Variants in TCP11L2 observed in about 807,000 individuals in gnomAD.
TCP11L2 encodes T-complex protein 11-like protein 2.
In TCP11L2, 39 loss-of-function variants were observed where a neutral mutation model predicts 50.7. The observed-to-expected ratio is 0.77, with a 90% CI of 0.60 to 1.01. The LOEUF (loss-of-function observed/expected upper bound fraction) is 1.01, where lower values mean the gene tolerates loss of function less well. TCP11L2 is among the 50% of genes least tolerant of loss of function. The probability of loss-of-function intolerance (pLI) is 0.00; values close to 1 mark genes in which losing one functional copy is unlikely to be tolerated. For missense variants in TCP11L2, 612 were observed against 614.7 expected (o/e 1.00, Z 0.05); for synonymous variants, 192 against 219.3 (o/e 0.88, Z 1.10).
intron 1 of TCP11L2, among the ~76,000 whole-genome samples, chr12:106,306,001 T>C (rs1163069744): frequency 6.6e-6 from 1 of 152,200 alleles, no homozygotes. Flanking sequence ...TTAAAAAGGA[T>C]TATCTATTTT....
At chr12:106,334,063 T>TA (rs1472745164) in intron 6 of TCP11L2, among the ~76,000 whole-genome samples, 2 of 152,078 alleles carry the variant, frequency 1.3e-5, no homozygotes, top group African/African-American at 4.8e-5. Context: ...TGCTTGGAAG[T>TA]ATCAACATTT....
At chr12:106,302,242 G>C (rs1362005534), upstream of TCP11L2, among the ~76,000 whole-genome samples, 1 of 152,070 alleles carries the variant, frequency 6.6e-6, no homozygotes, top group African/African-American at 2.4e-5. Context: ...TGGAAGCCCA[G>C]GGGATCTGTC....
chr12:106,326,407 A>G (rs2035547828), intron 6 of TCP11L2, among the ~76,000 whole-genome samples: 1 of 152,152 alleles, frequency 6.6e-6, no homozygotes, highest in African/African-American at 2.4e-5. Context: ...TGTAGGGCAG[A>G]CTAGGATTCA....
At chr12:106,333,019 G>A (rs1213939572) in intron 6 of TCP11L2, among the ~76,000 whole-genome samples, 1 of 152,192 alleles carries the variant, frequency 6.6e-6, no homozygotes, top group Non-Finnish European at 1.5e-5. Flanking sequence ...AACGTGAGGA[G>A]ATATTTTATG....
Position 106,336,172 on chromosome 12 carries a change from A to G in TCP11L2, c.1101A>G (p.Leu367=). The change falls in exon 8 of 10, where the codon TTA becomes TTG. Residue 367 remains leucine, a synonymous_variant. Coordinates refer to ENST00000299045, the MANE Select transcript of TCP11L2 (RefSeq NM_152772.3). ...GCCTGCCTGAGCTTGCAAGCAGGTT[A>G]ACAAGGATTTCAGCTGTTCTACTTG... ...TGGLPELASR[L]TRISAVLLEG... 1 of 1,612,740 alleles carries G rather than the reference A, an allele frequency of 6.2e-7. No homozygotes were observed. Among genetic ancestry groups the G allele is most frequent in the Non-Finnish European group, 8.5e-7 (1 of 1,179,686 alleles).
intron 6 of TCP11L2, chr12:106,329,381 A>G (rs765453637): frequency 3.9e-6 from 6 of 1,535,986 alleles, no homozygotes; most frequent in Non-Finnish European, 5.2e-6. Context: ...TTTTGGAACC[A>G]GAGAGAGCAG....
At chr12:106,329,386 G>T in intron 6 of TCP11L2, 1 of 1,536,080 alleles carries the variant, frequency 6.5e-7, no homozygotes, top group Non-Finnish European at 8.7e-7. Context: ...GAACCAGAGA[G>T]AGCAGTCACC....
chr12:106,318,998 G>C (rs938214662), intron 4 of TCP11L2, among the ~76,000 whole-genome samples: 1 of 151,662 alleles, frequency 6.6e-6, no homozygotes, highest in Non-Finnish European at 1.5e-5. Flanking sequence ...TGCAAGCTCC[G>C]CTTCCCGGGT....
intron 8 of TCP11L2, among the ~76,000 whole-genome samples, chr12:106,337,494 G>A (rs1193212163): frequency 6.6e-6 from 1 of 152,164 alleles, no homozygotes; most frequent in African/African-American, 2.4e-5. Flanking sequence ...CTTATCTTAT[G>A]ATTTCCCTGC....
intron 3 of TCP11L2, 71 bp downstream of exon 3, chr12:106,314,564 TGTGTGTGTGTGTGAGAGA>T (rs2034999021): frequency 5.1e-6 from 5 of 977,594 alleles, no homozygotes; most frequent in African/African-American, 4.3e-5. Flanking sequence ...TGTGTGTGTG[TGTGTGTGTGTGTGAGAGA>T]GAGAGAGAGA....
intron 5 of TCP11L2, among the ~76,000 whole-genome samples, chr12:106,323,041 CA>C (rs2035398759): frequency 6.6e-6 from 1 of 152,194 alleles, no homozygotes; most frequent in Non-Finnish European, 1.5e-5. Flanking sequence ...AACTGAGGCT[CA>C]GAGAGACTGA....
At chr12:106,340,797 C>A in intron 8 of TCP11L2, 29 bp from the exon 9 acceptor site, 1 of 1,543,550 alleles carries the variant, frequency 6.5e-7, no homozygotes, top group Non-Finnish European at 8.7e-7. Context: ...AAAACTTTCC[C>A]TGGTGGAATT....
In TCP11L2 at chr12:106,310,983, T is replaced by C. The variant is rs143012090; in HGVS notation, c.-35-58T>C. 813 of 1,434,726 alleles carry C rather than the reference T, an allele frequency of 5.7e-4. 9 individuals are homozygous for C. In the African/African-American group the frequency reaches 9.7e-3, roughly 17 times the overall value. The allele number at this position is 1,434,726 out of a possible 1,614,324, so 88.9% of individuals were successfully genotyped here. ...CAGTTGTCTACACTGGAAGAAGCAT[T>C]GGTGGTGCCTGTGGAAGTACCACAG... On this transcript the variant is annotated intron_variant, in intron 1 of 9. Transcript: ENST00000299045.
intron 1 of TCP11L2, among the ~76,000 whole-genome samples, chr12:106,307,552 C>T (rs940931629): frequency 2.0e-5 from 3 of 152,202 alleles, no homozygotes; most frequent in Non-Finnish European, 4.4e-5. Context: ...TAAATATCCT[C>T]AGTGCCTTTT....
At chr12:106,325,404 T>C (rs1016023294) in intron 6 of TCP11L2, 4 of 151,754 alleles carry the variant, frequency 2.6e-5, no homozygotes, top group African/African-American at 9.7e-5. Flanking sequence ...GCCAGAGAGG[T>C]AGTGTGACAG....
rs1397352583 is a variant in TCP11L2, at chr12:106,340,858, T to C, written c.1175T>C (p.Ile392Thr). ...AACTTGAAGGAAGTCCTGAATTCTA[T>C]TGGTATTCAGACTTGTGTTGAGGTT... ...TFNLKEVLNS[I>T]GIQTCVEVNK... is the part of the protein sequence containing the mutation. Residue 392 changes from isoleucine to threonine, a missense_variant, in exon 9 of 10, where the codon ATT (isoleucine) becomes ACT (threonine). By Grantham distance (89) the Ile-to-Thr change is moderately conservative. Coordinates refer to ENST00000299045, the MANE Select transcript of TCP11L2 (RefSeq NM_152772.3). 1.9e-6 allele frequency: 3 copies of C among 1,606,914 alleles called. No homozygotes were observed. Among genetic ancestry groups the C allele is most frequent in the African/African-American group, 1.3e-5 (1 of 74,538 alleles).
At chr12:106,318,280 G>C in intron 3 of TCP11L2, 64 bp from the exon 4 acceptor site, 1 of 1,551,728 alleles carries the variant, frequency 6.4e-7, no homozygotes, top group Non-Finnish European at 8.8e-7. Context: ...CAATGAGGAT[G>C]TTTCTTTTAT....
chr12:106,313,582 A>AAAATAAATAAATAAATAAATAAAT, intron 2 of TCP11L2, among the ~76,000 whole-genome samples: 1 of 139,390 alleles, frequency 7.2e-6, no homozygotes, highest in South Asian at 2.3e-4. Context: ...CCATCTCAAA[A>AAAATAAATAAATAAATAAATAAAT]AAATAAATAA....
intron 8 of TCP11L2, 66 bp from the exon 9 acceptor site, chr12:106,340,760 A>T: frequency 7.4e-7 from 1 of 1,357,948 alleles, no homozygotes; most frequent in Non-Finnish European, 1.0e-6. Flanking sequence ...ACAAGTCTGT[A>T]TATTAAAAAT....
Sources: allele counts gnomAD v4.1 joint callset (sites outside exome capture counted in the v4.1 genomes callset), GRCh38; gene constraint gnomAD v4.1.1; transcripts MANE v1.5; gene names NCBI Gene and HGNC (gene_info 2026-07-23, HGNC 2026-07-21).